DEGS2: variants seen among roughly 807,000 people sequenced by gnomAD.
The protein encoded by DEGS2 is sphingolipid delta(4)-desaturase/C4-monooxygenase DES2.
In DEGS2, 19 loss-of-function variants were observed where a neutral mutation model predicts 23.8. That is an observed-to-expected ratio of 0.80 (90% confidence interval 0.56 to 1.17). DEGS2 has a LOEUF of 1.17. Ranked by LOEUF, DEGS2 falls within the 50% of genes most tolerant of loss-of-function variation. The probability of loss-of-function intolerance (pLI) is 0.00; values close to 1 mark genes in which losing one functional copy is unlikely to be tolerated. For missense variants in DEGS2, 390 were observed against 459.5 expected (o/e 0.85, Z 1.38); for synonymous variants, 218 against 213.7 (o/e 1.02, Z -0.18).
chr14:100,160,460 G>C (rs1009269596), upstream of DEGS2, among the ~76,000 whole-genome samples: 1 of 152,226 alleles, frequency 6.6e-6, no homozygotes, highest in Admixed American at 6.5e-5. Flanking sequence ...TTGGAAACAA[G>C]GCAGAACCTG....
At position 100,146,486 on chromosome 14, in the gene DEGS2, T is replaced by C; in HGVS notation, c.*275A>G. 1 of 442,868 alleles carries C rather than the reference T, an allele frequency of 2.3e-6. No homozygotes were observed. The highest frequency in any genetic ancestry group is 4.0e-6 in the Non-Finnish European group (1 of 248,346). The allele number at this position is 442,868 out of a possible 1,614,324, so 27.4% of individuals were successfully genotyped here. A position where few individuals can be genotyped will look rare whatever the true frequency, so the allele number is the denominator to read the frequency against. On this transcript the variant is annotated 3_prime_UTR_variant, in exon 3 of 3. Transcript: ENST00000305631. ...GGAGAAGTCAGCTCCGTGGGAACCGTGGGCTCAGAGCACCCAGGTCATGGT... is the reference window on the plus strand; with the variant it reads ...GGAGAAGTCAGCTCCGTGGGAACCGCGGGCTCAGAGCACCCAGGTCATGGT...
chr14:100,163,589 G>C (rs937919727), upstream of DEGS2, among the ~76,000 whole-genome samples: 1 of 152,168 alleles, frequency 6.6e-6, no homozygotes, highest in Non-Finnish European at 1.5e-5. Flanking sequence ...AGGCAACACT[G>C]GTCCCTACCC....
chr14:100,146,934 G>A (rs1208651251), intron 2 of DEGS2, 27 bp from the exon 3 acceptor site: 2 of 1,602,996 alleles, frequency 1.2e-6, no homozygotes, highest in Admixed American at 1.7e-5. Flanking sequence ...GGGGCTCAGG[G>A]GCTGGTTCTC....
chr14:100,166,300 CGGGGCTGTG>C, the DEGS2 span, among the ~76,000 whole-genome samples: 140 of 14,834 alleles, frequency 9.4e-3, 25 homozygotes, highest in African/African-American at 0.067. Flanking sequence ...GGAGCCTGCC[CGGGGCTGTG>C]GGGGAGCCTG....
intron 1 of DEGS2, among the ~76,000 whole-genome samples, chr14:100,154,289 T>C (rs796867995): frequency 7.3e-5 from 11 of 150,168 alleles, no homozygotes; most frequent in African/African-American, 2.7e-4. Context: ...TGCTTGAACC[T>C]GGGAGGCAGA....
the DEGS2 span, among the ~76,000 whole-genome samples, chr14:100,164,913 G>A: frequency 1.3e-5 from 2 of 152,200 alleles, no homozygotes; most frequent in African/African-American, 2.4e-5. Flanking sequence ...TAACTCCAAT[G>A]TCCAACAACA....
At chr14:100,155,277 A>G (rs1432461005) in intron 1 of DEGS2, among the ~76,000 whole-genome samples, 1 of 152,074 alleles carries the variant, frequency 6.6e-6, no homozygotes, top group Non-Finnish European at 1.5e-5. Flanking sequence ...GAGTAACCTG[A>G]CCTGGGACAA....
intron 1 of DEGS2, among the ~76,000 whole-genome samples, chr14:100,150,023 C>T (rs1019993422): frequency 6.6e-5 from 10 of 152,216 alleles, no homozygotes; most frequent in African/African-American, 9.6e-5. Context: ...TCTGGGCCAG[C>T]GAAGACGATT....
rs114658450 is a variant in DEGS2, at chr14:100,151,930, C to T, written c.83-2220G>A. Among the ~76,000 whole-genome samples the T allele has an allele frequency of 5.8e-3, 883 of 152,202 alleles. 6 individuals carry two copies. Among genetic ancestry groups the T allele is most frequent in the African/African-American group, 0.02 (849 of 41,522 alleles). On this transcript the variant is annotated intron_variant, in intron 1 of 2. Transcript: ENST00000305631. ...GTCCCTGGGGGAGTGGGAGTGGGGA[C>T]GTGCCAGGAACACTCGGGACCACGC...
upstream of DEGS2, among the ~76,000 whole-genome samples, chr14:100,163,589 G>T (rs937919727): frequency 1.3e-5 from 2 of 152,168 alleles, no homozygotes; most frequent in Non-Finnish European, 2.9e-5. Context: ...AGGCAACACT[G>T]GTCCCTACCC....
intron 1 of DEGS2, among the ~76,000 whole-genome samples, chr14:100,151,200 A>G (rs535928185): frequency 6.6e-6 from 1 of 152,344 alleles, no homozygotes; most frequent in South Asian, 2.1e-4. Context: ...TGGCCAGCAC[A>G]TTAGTCTGAG....
chr14:100,164,621 G>C (rs978394409), upstream of DEGS2, among the ~76,000 whole-genome samples: 1 of 152,018 alleles, frequency 6.6e-6, no homozygotes, highest in African/African-American at 2.4e-5. Flanking sequence ...TGGGCAACAA[G>C]AGCGAAACTC....
At chr14:100,165,646 C>A in the DEGS2 span, among the ~76,000 whole-genome samples, 3 of 152,274 alleles carry the variant, frequency 2.0e-5, no homozygotes, top group African/African-American at 7.2e-5. Flanking sequence ...CCTCTCCGCT[C>A]CGAACTCAGG....
chr14:100,157,147 T>C (rs1362366879), intron 1 of DEGS2, among the ~76,000 whole-genome samples: 1 of 152,288 alleles, frequency 6.6e-6, no homozygotes, highest in Admixed American at 6.5e-5. Flanking sequence ...CCTTCCCAGC[T>C]GAGATATCAT....
chr14:100,149,951 G>A (rs1393494420), intron 1 of DEGS2, among the ~76,000 whole-genome samples: 3 of 152,216 alleles, frequency 2.0e-5, no homozygotes, highest in African/African-American at 4.8e-5. Flanking sequence ...GGCCCACGCT[G>A]GCAGATGGGC....
rs1007965077 is a variant in DEGS2 at position 100,150,200 on chromosome 14, G to A, written c.83-490C>T. The stretch of plus-strand genomic sequence containing the variant: ...GGCAGCTCCCACTCAGGAAGGCTCT[G>A]GCCCAGGCGCAGGGCCAAGGAAGTC... On this transcript the variant is annotated intron_variant, in intron 1 of 2. Transcript: ENST00000305631. Among the ~76,000 whole-genome samples the A allele has an allele frequency of 8.1e-4, 124 of 152,308 alleles. 1 individual carries two copies. The highest frequency in any genetic ancestry group is 3.0e-3 in the African/African-American group (123 of 41,560).
intron 1 of DEGS2, among the ~76,000 whole-genome samples, chr14:100,158,421 G>C (rs889468602): frequency 6.6e-6 from 1 of 151,988 alleles, no homozygotes; most frequent in Non-Finnish European, 1.5e-5. Context: ...AATTAGCCGG[G>C]TGTGGTGGCA....
chr14:100,158,826 T>C (rs1278960304), intron 1 of DEGS2, among the ~76,000 whole-genome samples: 1 of 152,096 alleles, frequency 6.6e-6, no homozygotes, highest in African/African-American at 2.4e-5. Context: ...GTGGGTGGGA[T>C]GGGGCCTCTG....
upstream of DEGS2, among the ~76,000 whole-genome samples, chr14:100,161,615 G>A (rs1468017850): frequency 6.6e-6 from 1 of 152,192 alleles, no homozygotes; most frequent in Non-Finnish European, 1.5e-5. Flanking sequence ...GCCTAGTAAA[G>A]CTGGACCATA....
Sources: gnomAD v4.1 joint callset for allele counts (sites outside exome capture counted in the v4.1 genomes callset) on GRCh38, gnomAD v4.1.1 for gene constraint, MANE v1.5 for transcripts, NCBI Gene and HGNC (gene_info 2026-07-23, HGNC 2026-07-21) for gene names.